Variants in NSRP1 observed in about 807,000 individuals in gnomAD.
NSRP1 encodes the protein coiled-coil domain containing 55.
A neutral mutation model predicts 54.7 loss-of-function variants in NSRP1; 24 were observed. That is an observed-to-expected ratio of 0.44 (90% CI 0.32 to 0.62). The LOEUF (loss-of-function observed/expected upper bound fraction) is 0.62. Among genes scored for constraint, NSRP1 ranks in the 20% least tolerant of loss-of-function variants. The probability of loss-of-function intolerance (pLI) is 0.06; values close to 1 mark genes in which losing one functional copy is unlikely to be tolerated. For missense variants in NSRP1, 596 were observed against 651.2 expected (o/e 0.92, Z 0.92); for synonymous variants, 210 against 213.8 (o/e 0.98, Z 0.15).
chr17:30,159,114 T>C (rs1424594246), intron 2 of NSRP1, among the ~76,000 whole-genome samples: 1 of 152,184 alleles, frequency 6.6e-6, no homozygotes, highest in Non-Finnish European at 1.5e-5. Context: ...CTTTCCATTT[T>C]TTTGTGTCCT....
chr17:30,117,617 C>A (rs925105497), intron 1 of NSRP1: 4 of 348,954 alleles, frequency 1.1e-5, no homozygotes, highest in African/African-American at 8.4e-5. Context: ...GTGAGTTACA[C>A]TATCCAGTCA....
chr17:30,171,976 CCTCT>C (rs58666089), intron 2 of NSRP1, among the ~76,000 whole-genome samples: 1,618 of 80,352 alleles, frequency 0.02, 22 homozygotes, highest in Middle Eastern at 0.042. Flanking sequence ...ACACACACTC[CCTCT>C]CTCTCTCTCT....
At chr17:30,175,333 G>T (rs991305029) in intron 3 of NSRP1, among the ~76,000 whole-genome samples, 1 of 151,976 alleles carries the variant, frequency 6.6e-6, no homozygotes. Flanking sequence ...TGAACATAAC[G>T]GAGGTTTTTG....
Position 30,133,109 on chromosome 17 carries a change from A to AT in NSRP1, c.114+14958dup, listed in dbSNP as rs558445432. Among the ~76,000 whole-genome samples the AT allele has an allele frequency of 6.0e-3, 670 of 110,912 alleles. 8 individuals are homozygous for AT. Among genetic ancestry groups the AT allele is most frequent in the Admixed American group, 0.015 (152 of 10,470 alleles). 72.8% of individuals were successfully genotyped at this position (110,912 alleles called of 152,430 possible). A position where few individuals can be genotyped will look rare whatever the true frequency, so the allele number is the denominator to read the frequency against. ...CAGGCACTCACCACCACACCCAGCT[A>AT]TTTTTTTTTTTTTTTTTTTTTTGGT... On this transcript the variant is annotated intron_variant, in intron 2 of 6. Transcript: ENST00000247026.
intron 2 of NSRP1, among the ~76,000 whole-genome samples, chr17:30,136,494 A>G (rs933940723): frequency 2.0e-5 from 3 of 152,184 alleles, no homozygotes; most frequent in Non-Finnish European, 2.9e-5. Flanking sequence ...AATCATGTTA[A>G]TTGGTTTACC....
At chr17:30,122,351 T>TATATATATATATATATA (rs1567788455) in intron 2 of NSRP1, 7 of 48,322 alleles carry the variant, frequency 1.4e-4, no homozygotes, top group Middle Eastern at 0.01. Context: ...AACTCTGGTT[T>TATATATATATATATATA]CATATATATA....
At chr17:30,168,609 T>TAAATA (rs574810527) in intron 2 of NSRP1, among the ~76,000 whole-genome samples, 1 of 148,840 alleles carries the variant, frequency 6.7e-6, no homozygotes, top group Non-Finnish European at 1.5e-5. Context: ...ATAATAATAA[T>TAAATA]AAATAAAATA....
chr17:30,177,883 G>T, intron 3 of NSRP1, 188 bp from the exon 4 acceptor site: 1 of 671,764 alleles, frequency 1.5e-6, no homozygotes, highest in East Asian at 2.9e-5. Flanking sequence ...GGAGTAATTA[G>T]TAAGTGTAGA....
chr17:30,181,364 G>C (rs1243363249), intron 6 of NSRP1, among the ~76,000 whole-genome samples: 4 of 151,196 alleles, frequency 2.6e-5, no homozygotes, highest in African/African-American at 9.7e-5. Context: ...ATCTTCAAGG[G>C]AAAGCAAAAT....
Position 30,118,103 on chromosome 17 carries a change from A to G in NSRP1, c.44A>G (p.Lys15Arg). 1 of 1,613,960 alleles carries G rather than the reference A, an allele frequency of 6.2e-7. No individual in the cohort carries two copies. The highest frequency in any genetic ancestry group is 8.5e-7 in the Non-Finnish European group (1 of 1,179,904). Residue 15 changes from lysine to arginine, a missense_variant, in exon 2 of 7, where the codon AAA becomes AGA. Physicochemically the swap from Lys to Arg is conservative, Grantham distance 26 (BLOSUM62 2). Coordinates refer to ENST00000247026, the MANE Select transcript of NSRP1 (RefSeq NM_032141.4). Reference sequence around the variant, plus strand: ...AGGTATGGGCTTATTTTGCCAAAGAAAACACAGCAGTTGCACCCTGTTTTG... The same window carrying G: ...AGGTATGGGCTTATTTTGCCAAAGAGAACACAGCAGTTGCACCCTGTTTTG... ...GRQYGLILPK[K>R]TQQLHPVLQK...
intron 3 of NSRP1, 113 bp downstream of exon 3, chr17:30,172,711 C>A: frequency 1.3e-6 from 1 of 746,638 alleles, no homozygotes; most frequent in Non-Finnish European, 2.1e-6. Context: ...TAAGGAAAAA[C>A]ACAATGAAGA....
At chr17:30,149,795 A>C (rs2071888728) in intron 2 of NSRP1, among the ~76,000 whole-genome samples, 1 of 150,238 alleles carries the variant, frequency 6.7e-6, no homozygotes, top group South Asian at 2.1e-4. Flanking sequence ...TGGTCAAGCC[A>C]CTATACTCCA....
At chr17:30,136,710 T>C (rs1175820636) in intron 2 of NSRP1, among the ~76,000 whole-genome samples, 1 of 152,206 alleles carries the variant, frequency 6.6e-6, no homozygotes, top group Non-Finnish European at 1.5e-5. Flanking sequence ...TCTCATTTTA[T>C]AGTTGAGGAA....
At chr17:30,162,015 T>C (rs1005888086) in intron 2 of NSRP1, among the ~76,000 whole-genome samples, 1 of 143,922 alleles carries the variant, frequency 6.9e-6, no homozygotes, top group Non-Finnish European at 1.5e-5. Context: ...TTTCTCTTCA[T>C]AGCCATGTCT....
intron 3 of NSRP1, among the ~76,000 whole-genome samples, chr17:30,173,177 T>A (rs1344798429): frequency 6.6e-6 from 1 of 152,222 alleles, no homozygotes; most frequent in Non-Finnish European, 1.5e-5. Context: ...TTGGTCAGGC[T>A]GGTCTGGAAC....
intron 2 of NSRP1, among the ~76,000 whole-genome samples, chr17:30,171,346 C>G (rs1904926160): frequency 6.8e-6 from 1 of 147,088 alleles, no homozygotes; most frequent in African/African-American, 2.5e-5. Flanking sequence ...GGTTCTGTTG[C>G]CCAGGCTGGA....
At chr17:30,152,516 G>A (rs934751620) in intron 2 of NSRP1, among the ~76,000 whole-genome samples, 2 of 144,078 alleles carry the variant, frequency 1.4e-5, no homozygotes, top group Admixed American at 1.4e-4. Flanking sequence ...AGATTTACTT[G>A]TATTTTTTCT....
At chr17:30,152,191 C>T (rs983421064) in intron 2 of NSRP1, among the ~76,000 whole-genome samples, 10 of 151,856 alleles carry the variant, frequency 6.6e-5, no homozygotes, top group Admixed American at 3.3e-4. Flanking sequence ...GGCGCGATCT[C>T]GGCTCACGGC....
chr17:30,165,107 T>G (rs1904682847), intron 2 of NSRP1, among the ~76,000 whole-genome samples: 1 of 152,236 alleles, frequency 6.6e-6, no homozygotes, highest in African/African-American at 2.4e-5. Flanking sequence ...AACGATATAC[T>G]GCATAATTCA....
Sources: allele counts gnomAD v4.1 joint callset (sites outside exome capture counted in the v4.1 genomes callset), GRCh38; gene constraint gnomAD v4.1.1; transcripts MANE v1.5; gene names NCBI Gene and HGNC (gene_info 2026-07-23, HGNC 2026-07-21).